Variants in RIMS1 observed in about 807,000 individuals in gnomAD.
RIMS1 encodes the protein regulating synaptic membrane exocytosis protein 1.
RIMS1 carries 83 observed loss-of-function variants against 214.1 expected under a neutral mutation model. That is an observed-to-expected ratio of 0.39 (90% CI 0.32 to 0.47). The LOEUF (loss-of-function observed/expected upper bound fraction) is 0.47, where lower values mean the gene tolerates loss of function less well. RIMS1 is among the 20% of genes least tolerant of loss of function. The pLI, the probability that RIMS1 is intolerant of heterozygous loss-of-function variation, is 0.99. For missense variants in RIMS1, 2,050 were observed against 2,161.8 expected (o/e 0.95, Z 1.03); for synonymous variants, 793 against 786.8 (o/e 1.01, Z -0.13).
At chr6:71,926,209 G>A (rs1183645315) in intron 1 of RIMS1, among the ~76,000 whole-genome samples, 1 of 152,156 alleles carries the variant, frequency 6.6e-6, no homozygotes, top group Admixed American at 6.5e-5. Context: ...GGGATTACAG[G>A]TTTGAGCCAC....
intron 27 of RIMS1, among the ~76,000 whole-genome samples, chr6:72,310,942 C>G (rs1468793910): frequency 6.6e-6 from 1 of 151,920 alleles, no homozygotes; most frequent in African/African-American, 2.4e-5. Context: ...TTTTTGTCCA[C>G]TTTCTGGAAT....
chr6:71,887,214 A>ATGCCTCCG (rs1489776055), intron 1 of RIMS1, 27 bp downstream of exon 1: 2 of 1,589,592 alleles, frequency 1.3e-6, no homozygotes, highest in Non-Finnish European at 1.7e-6. Context: ...CGCGCCATCC[A>ATGCCTCCG]TGCCTCCGTG....
Position 72,112,910 on chromosome 6 carries a change from A to G in RIMS1, c.471+12924A>G, listed in dbSNP as rs1446745399. On this transcript the variant is annotated intron_variant, in intron 4 of 33. Coordinates refer to ENST00000521978, the MANE Select transcript of RIMS1 (RefSeq NM_014989.7). ...TGCCTGGCACAGGTAGCCACTCTAA[A>G]TATGTGATGAATATTGAGAAGTAAG... Among the ~76,000 whole-genome samples the G allele has an allele frequency of 1.1e-4, 16 of 152,248 alleles. 1 individual carries two copies. Among genetic ancestry groups the G allele is most frequent in the African/African-American group, 3.6e-4 (15 of 41,546 alleles).
chr6:72,400,451 A>G (rs1207793325), intron 33 of RIMS1, 45 bp from the exon 34 acceptor site: 39 of 1,540,690 alleles, frequency 2.5e-5, no homozygotes, highest in Non-Finnish European at 3.5e-5. Context: ...TCGAATGTGA[A>G]GCAGAGAGAA....
intron 2 of RIMS1, among the ~76,000 whole-genome samples, chr6:72,023,565 C>T (rs1172369607): frequency 6.6e-6 from 1 of 151,900 alleles, no homozygotes; most frequent in African/African-American, 2.4e-5. Context: ...AAGAGAAAAA[C>T]TTTCAGTAAG....
At chr6:72,346,162 A>T (rs1235069803) in intron 29 of RIMS1, among the ~76,000 whole-genome samples, 3 of 151,818 alleles carry the variant, frequency 2.0e-5, no homozygotes, top group Non-Finnish European at 4.4e-5. Context: ...TAAACAATTT[A>T]GCAAAGTACC....
chr6:72,392,459 A>G (rs933206116), intron 30 of RIMS1, among the ~76,000 whole-genome samples: 3 of 152,242 alleles, frequency 2.0e-5, no homozygotes, highest in African/African-American at 4.8e-5. Flanking sequence ...ATTAAAAACT[A>G]TAACTGAGCC....
intron 26 of RIMS1, among the ~76,000 whole-genome samples, chr6:72,300,536 A>C (rs780499751): frequency 6.6e-5 from 10 of 151,820 alleles, no homozygotes; most frequent in Non-Finnish European, 1.3e-4. Context: ...TGGTATAAAT[A>C]ACATGGCTTC....
chr6:72,308,969 C>T (rs1485221730), intron 27 of RIMS1, among the ~76,000 whole-genome samples: 1 of 152,126 alleles, frequency 6.6e-6, no homozygotes, highest in Non-Finnish European at 1.5e-5. Flanking sequence ...TTTGTTTTCC[C>T]TCTACAGTTG....
At chr6:72,183,930 T>C (rs1438695786) in intron 6 of RIMS1, among the ~76,000 whole-genome samples, 1 of 152,202 alleles carries the variant, frequency 6.6e-6, no homozygotes, top group Non-Finnish European at 1.5e-5. Context: ...GTGGCGCCAT[T>C]TGCAGTGGGA....
chr6:72,394,333 T>G (rs2098748600), intron 31 of RIMS1, among the ~76,000 whole-genome samples: 1 of 151,626 alleles, frequency 6.6e-6, no homozygotes, highest in Non-Finnish European at 1.5e-5. Context: ...AAAGAAGGTC[T>G]GTCTAAGAAA....
chr6:72,153,332 G>A (rs1186653772), intron 4 of RIMS1, among the ~76,000 whole-genome samples: 4 of 151,536 alleles, frequency 2.6e-5, no homozygotes, highest in African/African-American at 9.7e-5. Context: ...AAAGCAACCA[G>A]TAAGGAGATT....
intron 16 of RIMS1, among the ~76,000 whole-genome samples, chr6:72,255,762 G>A (rs2075543090): frequency 6.6e-6 from 1 of 152,100 alleles, no homozygotes; most frequent in South Asian, 2.1e-4. Context: ...TCCCAGCCGG[G>A]CACGGTGGCT....
In RIMS1 at chr6:72,182,779, C is replaced by T. The variant is rs1350578810; in HGVS notation, c.1308C>T (p.Thr436=). 6 of 1,545,518 alleles carry T rather than the reference C, an allele frequency of 3.9e-6. No individual in the cohort carries two copies. The highest frequency in any genetic ancestry group is 5.2e-6 in the Non-Finnish European group (6 of 1,149,808). Residue 436 remains threonine (T), a synonymous_variant, in exon 6 of 34, where the codon ACC becomes ACT. Coordinates refer to ENST00000521978, the MANE Select transcript of RIMS1 (RefSeq NM_014989.7). The stretch of plus-strand genomic sequence containing the variant: ...ACTCGGCTGAGAGAACTGCGGAGAC[C>T]AGGGCGCCGGGCGCCAAGCAGCTAA... ...RAYSAERTAE[T]RAPGAKQLTN...
rs73536163 is a variant in RIMS1, at chr6:72,306,113, T to C, written c.3851-1145T>C. Among the ~76,000 whole-genome samples, 1,021 of 152,242 alleles carry C rather than the reference T, an allele frequency of 6.7e-3. 7 individuals are homozygous for C. Among genetic ancestry groups the C allele is most frequent in the African/African-American group, 0.024 (980 of 41,542 alleles). On this transcript the variant is annotated intron_variant, in intron 26 of 33. Coordinates refer to ENST00000521978, the MANE Select transcript of RIMS1 (RefSeq NM_014989.7). ...GTCAGCAAATATCTTTATGAACTCC[T>C]TGTAAGAGATAAAATCAGCAGCCAA...
intron 2 of RIMS1, among the ~76,000 whole-genome samples, chr6:72,001,077 A>G (rs1292741926): frequency 1.3e-5 from 2 of 152,304 alleles, no homozygotes; most frequent in Admixed American, 6.5e-5. Flanking sequence ...TCTCAGTTCA[A>G]TTAAGGTCAT....
chr6:72,143,762 T>C (rs1355204816), intron 4 of RIMS1, among the ~76,000 whole-genome samples: 1 of 152,242 alleles, frequency 6.6e-6, no homozygotes, highest in African/African-American at 2.4e-5. Context: ...AATTAATTTC[T>C]AAACATACTT....
Position 72,290,687 on chromosome 6 carries a change from C to A in RIMS1, c.3563C>A (p.Pro1188Gln), listed in dbSNP as rs1489769182. 2 of 1,613,162 alleles carry A rather than the reference C, an allele frequency of 1.2e-6. No homozygotes were observed. Among genetic ancestry groups the A allele is most frequent in the East Asian group, 2.2e-5 (1 of 44,856 alleles). ...GTASDAERVL[P>Q]TCLSRRGHAA... ...TGGCCCTAATGTTTTAGGGTTCTCCCAACATGTCTTTCTAGAAGGGGACAC... is the reference window on the plus strand; with the variant it reads ...TGGCCCTAATGTTTTAGGGTTCTCCAAACATGTCTTTCTAGAAGGGGACAC... Residue 1188 changes from proline to glutamine, a missense_variant, in exon 25 of 34, where the codon CCA becomes CAA. This residue lies in a region of RIMS1 where 889 missense variants were observed against 885.5 expected (regional missense o/e 1.00). Transcript: ENST00000521978.
chr6:72,174,911 A>G (rs1480575165), intron 4 of RIMS1, among the ~76,000 whole-genome samples: 1 of 152,184 alleles, frequency 6.6e-6, no homozygotes, highest in African/African-American at 2.4e-5. Context: ...AAATTTATGA[A>G]TAGCAATAAC....
Sources: gnomAD v4.1 joint callset for allele counts (sites outside exome capture counted in the v4.1 genomes callset) on GRCh38, gnomAD v4.1.1 for gene constraint, gnomAD v4.1.1 regional missense constraint, MANE v1.5 for transcripts, NCBI Gene and HGNC (gene_info 2026-07-23, HGNC 2026-07-21) for gene names.